CPNE4: variants seen among roughly 807,000 people sequenced by gnomAD.
The protein encoded by CPNE4 is copine-4.
CPNE4 carries 25 observed loss-of-function variants against 67.9 expected under a neutral mutation model. The observed-to-expected ratio is 0.37, with a 90% CI of 0.27 to 0.51. The LOEUF (loss-of-function observed/expected upper bound fraction) is 0.51, where lower values mean the gene tolerates loss of function less well. Among genes scored for constraint, CPNE4 ranks in the 20% least tolerant of loss-of-function variants. CPNE4 has a pLI of 0.93. For synonymous variants in CPNE4, 242 were observed against 244.9 expected, an observed-to-expected ratio of 0.99 and a Z score of 0.11; for missense variants, 464 against 690.8, an observed-to-expected ratio of 0.67 and a Z score of 3.68.
chr3:131,921,734 G>C (rs1201943043), intron 1 of CPNE4, among the ~76,000 whole-genome samples: 1 of 152,136 alleles, frequency 6.6e-6, no homozygotes, highest in East Asian at 1.9e-4. Context: ...CATAGAGTAA[G>C]TGCTAAACAA....
chr3:131,776,606 T>C (rs1185580245), intron 2 of CPNE4, among the ~76,000 whole-genome samples: 9 of 152,122 alleles, frequency 5.9e-5, no homozygotes. Context: ...GTGAGAATAA[T>C]ACCCCTAGCG....
intron 2 of CPNE4, among the ~76,000 whole-genome samples, chr3:131,835,018 A>T (rs2085502243): frequency 6.6e-6 from 1 of 152,224 alleles, no homozygotes; most frequent in East Asian, 1.9e-4. Context: ...AGGATGGAAT[A>T]AGCACATTCC....
At chr3:132,032,805 T>C (rs10934987) in intron 1 of CPNE4, among the ~76,000 whole-genome samples, 93,055 of 152,126 alleles carry the variant, frequency 0.61, 28,609 homozygotes, top group South Asian at 0.66. Flanking sequence ...ATCACAGCCA[T>C]AGCCATGCTG....
chr3:131,610,330 G>A (rs1250776692), intron 7 of CPNE4, among the ~76,000 whole-genome samples: 1 of 152,224 alleles, frequency 6.6e-6, no homozygotes, highest in African/African-American at 2.4e-5. Flanking sequence ...TGCAGGGCCA[G>A]TGAAGCAGAT....
chr3:131,812,770 G>A (rs555056338), intron 2 of CPNE4, among the ~76,000 whole-genome samples: 61 of 152,314 alleles, frequency 4.0e-4, no homozygotes, highest in African/African-American at 1.3e-3. Flanking sequence ...CAGGAGCCAT[G>A]GAAGAGTTAG....
At chr3:131,583,914 C>A (rs976756698) in intron 8 of CPNE4, among the ~76,000 whole-genome samples, 11 of 152,146 alleles carry the variant, frequency 7.2e-5, no homozygotes, top group African/African-American at 2.2e-4. Context: ...CTGGGATTCA[C>A]ACCCACATCA....
intron 2 of CPNE4, among the ~76,000 whole-genome samples, chr3:131,861,621 T>G (rs914385958): frequency 5.3e-5 from 8 of 151,956 alleles, no homozygotes; most frequent in Admixed American, 2.0e-4. Context: ...TTAGTAGAGA[T>G]GGGGTTTCAC....
chr3:131,668,637 T>C (rs866663776), intron 7 of CPNE4, among the ~76,000 whole-genome samples: 1 of 152,186 alleles, frequency 6.6e-6, no homozygotes, highest in Non-Finnish European at 1.5e-5. Context: ...ATTGGCCTTT[T>C]AGTTTATAGG....
intron 3 of CPNE4, 82 bp from the exon 4 acceptor site, chr3:131,700,062 T>A: frequency 1.4e-6 from 1 of 740,680 alleles, no homozygotes; most frequent in Non-Finnish European, 2.0e-6. Context: ...ACCTTTTTTT[T>A]TTTTTTTTTT....
At chr3:131,752,169 C>T (rs1377728343) in intron 2 of CPNE4, among the ~76,000 whole-genome samples, 1 of 152,038 alleles carries the variant, frequency 6.6e-6, no homozygotes, top group Non-Finnish European at 1.5e-5. Flanking sequence ...GTGAAATCTC[C>T]AGCTCCCTAC....
At chr3:131,792,758 CACACTATAT>C (rs758064122) in intron 2 of CPNE4, among the ~76,000 whole-genome samples, 150 of 133,274 alleles carry the variant, frequency 1.1e-3, no homozygotes, top group Middle Eastern at 4.9e-3. Context: ...TATATATACA[CACACTATAT>C]ATGTATATGT....
intron 2 of CPNE4, among the ~76,000 whole-genome samples, chr3:131,792,927 A>G (rs867133735): frequency 1.6e-4 from 10 of 62,266 alleles, no homozygotes; most frequent in African/African-American, 6.1e-4. Context: ...GTGTGTGTGT[A>G]TCTCCAACAA....
intron 1 of CPNE4, among the ~76,000 whole-genome samples, chr3:132,033,589 G>T (rs2074286241): frequency 6.6e-6 from 1 of 152,008 alleles, no homozygotes; most frequent in South Asian, 2.1e-4. Context: ...CATCTCTGCC[G>T]CCTGTGACTT....
At chr3:132,006,856 A>G (rs2073621692) in intron 1 of CPNE4, among the ~76,000 whole-genome samples, 1 of 152,152 alleles carries the variant, frequency 6.6e-6, no homozygotes, top group African/African-American at 2.4e-5. Flanking sequence ...GAAGACACCA[A>G]CCTGATACTG....
chr3:131,682,453 G>A (rs973695326), intron 6 of CPNE4, among the ~76,000 whole-genome samples: 2 of 152,130 alleles, frequency 1.3e-5, no homozygotes, highest in South Asian at 2.1e-4. Context: ...ATTACCAGGT[G>A]GAAACCCTTC....
intron 7 of CPNE4, among the ~76,000 whole-genome samples, chr3:131,635,215 A>G (rs1183189515): frequency 6.6e-6 from 1 of 152,224 alleles, no homozygotes; most frequent in Non-Finnish European, 1.5e-5. Flanking sequence ...CCTGCGGGTC[A>G]TAGAATGACT....
chr3:131,541,069 A>G (rs115182484), intron 15 of CPNE4, among the ~76,000 whole-genome samples: 1,900 of 152,314 alleles, frequency 0.012, 49 homozygotes, highest in African/African-American at 0.043. Context: ...GCAGAGGGCA[A>G]GGCCTCAGTG....
intron 7 of CPNE4, among the ~76,000 whole-genome samples, chr3:131,661,264 G>A (rs1487168680): frequency 6.6e-6 from 1 of 152,162 alleles, no homozygotes; most frequent in Non-Finnish European, 1.5e-5. Flanking sequence ...AAATTATAGA[G>A]CAGGAGAGAC....
At chr3:131,625,432 A>G (rs1281461128) in intron 7 of CPNE4, among the ~76,000 whole-genome samples, 2 of 152,226 alleles carry the variant, frequency 1.3e-5, no homozygotes, top group Non-Finnish European at 2.9e-5. Flanking sequence ...GGAATTTAAC[A>G]GGAGACTTCT....
Sources: gnomAD v4.1 joint callset for allele counts (sites outside exome capture counted in the v4.1 genomes callset) on GRCh38, gnomAD v4.1.1 for gene constraint, MANE v1.5 for transcripts, NCBI Gene and HGNC (gene_info 2026-07-23, HGNC 2026-07-21) for gene names.